Variants in SULT2B1 observed in about 807,000 individuals in gnomAD.
SULT2B1 encodes the protein sulfotransferase family 2B member 1.
A neutral mutation model predicts 33.2 loss-of-function variants in SULT2B1; 16 were observed. The observed-to-expected ratio is 0.48, with a 90% CI of 0.33 to 0.73. The LOEUF is 0.73. Among genes scored for constraint, SULT2B1 ranks in the 30% least tolerant of loss-of-function variants. The pLI is 0.02. For synonymous variants in SULT2B1, 186 were observed against 200.5 expected, an observed-to-expected ratio of 0.93 and a Z score of 0.61; for missense variants, 500 against 506.0, an observed-to-expected ratio of 0.99 and a Z score of 0.11.
At chr19:48,569,275 G>A (rs1374213505) in intron 1 of SULT2B1, among the ~76,000 whole-genome samples, 1 of 150,298 alleles carries the variant, frequency 6.7e-6, no homozygotes, top group African/African-American at 2.4e-5. Context: ...CCAGGAGGCG[G>A]AGCTTGCAGT....
intron 1 of SULT2B1, among the ~76,000 whole-genome samples, chr19:48,572,694 G>T (rs1973346411): frequency 6.6e-6 from 1 of 152,096 alleles, no homozygotes; most frequent in Non-Finnish European, 1.5e-5. Flanking sequence ...CCACAGGAGG[G>T]CTGGGAGCAG....
intron 3 of SULT2B1, among the ~76,000 whole-genome samples, chr19:48,588,522 A>C (rs934700118): frequency 1.0e-4 from 15 of 147,932 alleles, no homozygotes; most frequent in South Asian, 2.1e-4. Context: ...CAAAAAAAAA[A>C]CCCCCATATA....
chr19:48,576,120 A>G, intron 2 of SULT2B1, 37 bp downstream of exon 2: 1 of 906,878 alleles, frequency 1.1e-6, no homozygotes, highest in Non-Finnish European at 1.7e-6. Context: ...GGCTGGGGAG[A>G]GTGGGGAGGG....
chr19:48,569,355 A>G lies in SULT2B1; in HGVS notation c.72-6586A>G, dbSNP rs9676516. 6.5e-3 allele frequency among the ~76,000 whole-genome samples: 108 copies of G among 16,734 alleles called. 3 individuals are homozygous for G. The highest frequency in any genetic ancestry group is 8.6e-3 in the Non-Finnish European group (80 of 9,268). The allele number at this position is 16,734 out of a possible 152,430, so 11.0% of individuals were successfully genotyped here. ...AGACTCCGTCTCAAAAAAAAAAAAA[A>G]AAAAAAACATATATATATATATATA... On this transcript the variant is annotated intron_variant, in intron 1 of 6. Transcript: ENST00000201586.
In SULT2B1 at chr19:48,599,089, G is replaced by C; in HGVS notation, c.827-46G>C. On this transcript the variant is annotated intron_variant, in intron 6 of 6. Transcript: ENST00000201586. The surrounding 1 kb of genome is among the most constrained non-coding windows in gnomAD (Gnocchi z 4.1). ...CTGGAATGTTGGAGGTAGGGGCGCA[G>C]TGCTCCCCAGAGGCTCCTCACCCCC... 6.5e-7 allele frequency: 1 copy of C among 1,539,126 alleles called. No homozygotes were observed. Among genetic ancestry groups the C allele is most frequent in the Non-Finnish European group, 8.7e-7 (1 of 1,147,568 alleles).
At position 48,564,551 on chromosome 19, in the gene SULT2B1, C is replaced by CAA. The variant is rs770217698; in HGVS notation, c.72-11367_72-11366dup. Among the ~76,000 whole-genome samples, 441 of 57,434 alleles carry CAA rather than the reference C, an allele frequency of 7.7e-3. 13 individuals are homozygous for CAA. Among genetic ancestry groups the CAA allele is most frequent in the African/African-American group, 0.014 (194 of 14,022 alleles). The allele number at this position is 57,434 out of a possible 152,430, so 37.7% of individuals were successfully genotyped here. A position where few individuals can be genotyped will look rare whatever the true frequency, so the allele number is the denominator to read the frequency against. On this transcript the variant is annotated intron_variant, in intron 1 of 6. Coordinates refer to ENST00000201586, the MANE Select transcript of SULT2B1 (RefSeq NM_177973.2). ...TGGGCAACAGAGCGAGACTCCGTCT[C>CAA]AAAAAAAAAAAAAAAAAAAAAAAAG...
intron 1 of SULT2B1, among the ~76,000 whole-genome samples, chr19:48,564,006 G>A (rs1275448641): frequency 1.3e-5 from 2 of 151,480 alleles, no homozygotes; most frequent in African/African-American, 4.8e-5. Context: ...AAGAAGACTG[G>A]GCTGAGGTGG....
At chr19:48,582,321 A>G (rs1346931922) in intron 2 of SULT2B1, among the ~76,000 whole-genome samples, 1 of 152,180 alleles carries the variant, frequency 6.6e-6, no homozygotes, top group East Asian at 1.9e-4. Flanking sequence ...ATAACATAGG[A>G]TATACAATAA....
At chr19:48,565,329 T>TG (rs371988348) in intron 1 of SULT2B1, among the ~76,000 whole-genome samples, 5 of 151,274 alleles carry the variant, frequency 3.3e-5, no homozygotes, top group African/African-American at 7.3e-5. Flanking sequence ...TATTTGTTTA[T>TG]GGGGGGGTGT....
At chr19:48,555,094 T>C (rs1455904428) in intron 1 of SULT2B1, among the ~76,000 whole-genome samples, 2 of 151,582 alleles carry the variant, frequency 1.3e-5, no homozygotes, top group African/African-American at 4.8e-5. Flanking sequence ...GTTAATATTA[T>C]TACTATTATT....
intron 2 of SULT2B1, among the ~76,000 whole-genome samples, chr19:48,584,365 T>A (rs960488658): frequency 1.3e-5 from 2 of 152,120 alleles, no homozygotes; most frequent in Non-Finnish European, 2.9e-5. Flanking sequence ...GCGTGTCTAG[T>A]GCAGGGCTGG....
chr19:48,554,681 T>C (rs190877484), intron 1 of SULT2B1, among the ~76,000 whole-genome samples: 2,175 of 78,490 alleles, frequency 0.028, 62 homozygotes, highest in Non-Finnish European at 0.041. Context: ...TTTTTTTTTT[T>C]GAGACTGAAT....
intron 1 of SULT2B1, among the ~76,000 whole-genome samples, chr19:48,571,300 G>A (rs571994655): frequency 4.2e-4 from 63 of 151,668 alleles, no homozygotes; most frequent in Non-Finnish European, 7.2e-4. Flanking sequence ...GGGTTCAAGC[G>A]ATTCTCCTGC....
chr19:48,587,821 A>G (rs1282237353), intron 3 of SULT2B1, among the ~76,000 whole-genome samples: 2 of 138,064 alleles, frequency 1.4e-5, no homozygotes, highest in African/African-American at 5.3e-5. Context: ...TGAGCCCAGC[A>G]GGTCAAGGCT....
chr19:48,558,833 C>G (rs1048150842), intron 1 of SULT2B1, among the ~76,000 whole-genome samples: 1 of 151,428 alleles, frequency 6.6e-6, no homozygotes, highest in African/African-American at 2.4e-5. Flanking sequence ...TACAGGCGTG[C>G]GCCACCACGC....
intron 1 of SULT2B1, among the ~76,000 whole-genome samples, chr19:48,572,183 G>A (rs1309367128): frequency 6.6e-6 from 1 of 152,104 alleles, no homozygotes; most frequent in Non-Finnish European, 1.5e-5. Flanking sequence ...CATCTCCTGG[G>A]GCAAGGAGGC....
At position 48,563,302 on chromosome 19, in the gene SULT2B1, A is replaced by C. The variant is rs533148752; in HGVS notation, c.71+10979A>C. ...TCTGTGACCTAGCAATTCTGTTCCT[A>C]GTTATTTGCCCAAGAGAAATGAGAA... On this transcript the variant is annotated intron_variant, in intron 1 of 6. Transcript: ENST00000201586. 2.0e-5 allele frequency among the ~76,000 whole-genome samples: 3 copies of C among 152,204 alleles called. No homozygotes were observed. The South Asian group carries it at 6.2e-4, about 32-fold the overall frequency.
chr19:48,597,654 C>CTTTTTTTTTTTTTTTTTT (rs372246428), intron 6 of SULT2B1, among the ~76,000 whole-genome samples: 1 of 124,220 alleles, frequency 8.1e-6, no homozygotes, highest in African/African-American at 3.2e-5. Context: ...TTTCTTTTTT[C>CTTTTTTTTTTTTTTTTTT]TTTTTTGAGA....
chr19:48,570,923 C>G (rs1401825068), intron 1 of SULT2B1, among the ~76,000 whole-genome samples: 1 of 151,710 alleles, frequency 6.6e-6, no homozygotes, highest in Non-Finnish European at 1.5e-5. Context: ...GGGGTTTCAC[C>G]ATGTTAGCCA....
Sources: gnomAD v4.1 joint callset for allele counts (sites outside exome capture counted in the v4.1 genomes callset) on GRCh38, gnomAD v4.1.1 for gene constraint, Gnocchi (gnomAD v3.1) non-coding constraint, MANE v1.5 for transcripts, NCBI Gene and HGNC (gene_info 2026-07-23, HGNC 2026-07-21) for gene names.